Variants in C12orf76 observed in about 807,000 individuals in gnomAD.
C12orf76 encodes uncharacterized protein C12orf76.
A neutral mutation model predicts 6.8 loss-of-function variants in C12orf76; 6 were observed. That is an observed-to-expected ratio of 0.88 (90% CI 0.48 to 1.73). The LOEUF (loss-of-function observed/expected upper bound fraction) is 1.73, where lower values mean the gene tolerates loss of function less well. Ranked by LOEUF, C12orf76 falls within the 40% of genes most tolerant of loss-of-function variation. The pLI is 0.01. For synonymous variants in C12orf76, 56 were observed against 43.7 expected (o/e 1.28, Z -1.11); for missense variants, 99 against 98.2 (o/e 1.01, Z -0.03).
intron 2 of C12orf76, among the ~76,000 whole-genome samples, chr12:110,063,997 G>A (rs572225149): frequency 1.3e-5 from 2 of 152,258 alleles, no homozygotes; most frequent in South Asian, 2.1e-4. Flanking sequence ...AACTCAGCCC[G>A]CTGATGCCTT....
chr12:110,043,817 T>C (rs935864721), intron 1 of C12orf76, among the ~76,000 whole-genome samples: 8 of 150,514 alleles, frequency 5.3e-5, no homozygotes, highest in African/African-American at 2.0e-4. Context: ...CTTATACCAC[T>C]GCACTCCAGC....
intron 3 of C12orf76, among the ~76,000 whole-genome samples, chr12:110,058,679 G>GAA (rs1175064564): frequency 2.6e-5 from 4 of 152,146 alleles, no homozygotes; most frequent in Admixed American, 6.6e-5. Flanking sequence ...CCAAAAAAAA[G>GAA]AAAAGAAAGA....
At chr12:110,055,324 C>T (rs1892649755) in intron 4 of C12orf76, among the ~76,000 whole-genome samples, 1 of 151,888 alleles carries the variant, frequency 6.6e-6, no homozygotes, top group African/African-American at 2.4e-5. Flanking sequence ...AGCAATTCTC[C>T]TGCCTCAGCC....
upstream of C12orf76, among the ~76,000 whole-genome samples, chr12:110,070,153 G>A (rs1156322540): frequency 1.3e-5 from 2 of 151,598 alleles, no homozygotes; most frequent in Non-Finnish European, 2.9e-5. Flanking sequence ...TGGGAAGACT[G>A]CTTGAACCTG....
At chr12:110,042,889 C>T (rs964110126) in intron 1 of C12orf76, among the ~76,000 whole-genome samples, 22 of 151,882 alleles carry the variant, frequency 1.4e-4, no homozygotes, top group Admixed American at 6.6e-5. Context: ...GAAACCCCGT[C>T]TCTACTAAAA....
chr12:110,067,384 C>T (rs1451776966), intron 1 of C12orf76: 4 of 984,804 alleles, frequency 4.1e-6, no homozygotes, highest in Non-Finnish European at 2.4e-6. Context: ...GATAGAGTCT[C>T]CACAGCCCAG....
chr12:110,055,781 C>T (rs1200760588), intron 4 of C12orf76, among the ~76,000 whole-genome samples: 1 of 152,112 alleles, frequency 6.6e-6, no homozygotes, highest in Non-Finnish European at 1.5e-5. Context: ...GGAGTCGAAG[C>T]TGTCTTCTTG....
At chr12:110,069,229 A>G (rs1313795260), upstream of C12orf76, among the ~76,000 whole-genome samples, 2 of 152,248 alleles carry the variant, frequency 1.3e-5, no homozygotes, top group Non-Finnish European at 2.9e-5. Context: ...TCACGAGGTC[A>G]GGAGATCGTG....
chr12:110,070,928 C>T (rs544002675), upstream of C12orf76, among the ~76,000 whole-genome samples: 3 of 152,252 alleles, frequency 2.0e-5, no homozygotes, highest in Admixed American at 2.0e-4. Context: ...ACACACACTA[C>T]CCCGCCCAAC....
chr12:110,062,392 A>G (rs1361072201), intron 2 of C12orf76, among the ~76,000 whole-genome samples: 1 of 152,214 alleles, frequency 6.6e-6, no homozygotes, highest in Non-Finnish European at 1.5e-5. Context: ...GAGTAGATTC[A>G]TGGTTGCCTG....
intron 3 of C12orf76, among the ~76,000 whole-genome samples, chr12:110,058,065 CA>C (rs59838926): frequency 0.22 from 11,762 of 52,992 alleles, 335 homozygotes; most frequent in African/African-American, 0.33. Flanking sequence ...GACTCGGTCT[CA>C]AAAAAAAAAA....
At chr12:110,063,124 G>C (rs2137235685) in intron 2 of C12orf76, among the ~76,000 whole-genome samples, 1 of 149,604 alleles carries the variant, frequency 6.7e-6, no homozygotes, top group Middle Eastern at 3.7e-3. Flanking sequence ...ATTTTTAGTA[G>C]ACACAGGGTT....
chr12:110,067,774 G>T (rs1463033024), upstream of C12orf76: 1 of 153,892 alleles, frequency 6.5e-6, no homozygotes, highest in East Asian at 1.9e-4. Context: ...GATTGGTTCA[G>T]GGATGGATAT....
At chr12:110,051,445 T>C, upstream of C12orf76, 2 of 595,798 alleles carry the variant, frequency 3.4e-6, no homozygotes, top group South Asian at 4.0e-5. Context: ...TTTTTTTTTT[T>C]AAATGGAGTC....
chr12:110,062,623 AT>A (rs35576534), intron 2 of C12orf76, among the ~76,000 whole-genome samples: 3,202 of 143,434 alleles, frequency 0.022, 87 homozygotes, highest in African/African-American at 0.071. Context: ...AAAAAAAGAG[AT>A]TTTTTTTTTT....
upstream of C12orf76, among the ~76,000 whole-genome samples, chr12:110,053,770 A>G (rs1302198723): frequency 6.6e-6 from 1 of 152,152 alleles, no homozygotes; most frequent in East Asian, 1.9e-4. Flanking sequence ...ATAAATGGAT[A>G]AATTGTTGGA....
At chr12:110,072,246 G>T (rs1892967986), upstream of C12orf76, among the ~76,000 whole-genome samples, 1 of 149,626 alleles carries the variant, frequency 6.7e-6, no homozygotes, top group Non-Finnish European at 1.5e-5. Context: ...GGGCAACATA[G>T]TGAGACCCCA....
At chr12:110,066,081 T>C (rs1045362592) in intron 1 of C12orf76, 165 of 1,459,834 alleles carry the variant, frequency 1.1e-4, no homozygotes, top group Middle Eastern at 9.6e-4. Flanking sequence ...CATGTTTCTA[T>C]TTCCCCGAAG....
chr12:110,070,776 T>C (rs1340160348), upstream of C12orf76, among the ~76,000 whole-genome samples: 1 of 152,124 alleles, frequency 6.6e-6, no homozygotes, highest in African/African-American at 2.4e-5. Context: ...TTTTGTTTTG[T>C]TTTTGTTTTT....
Sources: allele counts gnomAD v4.1 joint callset (sites outside exome capture counted in the v4.1 genomes callset), GRCh38; gene constraint gnomAD v4.1.1; transcripts MANE v1.5; gene names NCBI Gene and HGNC (gene_info 2026-07-23, HGNC 2026-07-21).